The following CDC37L1 variants were observed in gnomAD, a reference collection of about 807,000 sequenced individuals.
CDC37L1 encodes the protein hsp90 co-chaperone Cdc37-like 1.
In CDC37L1, 32 loss-of-function variants were observed where a neutral mutation model predicts 45.9. The ratio of observed to expected loss-of-function variants is 0.70; its 90% CI spans 0.53 to 0.94. CDC37L1 has a LOEUF of 0.94. Among genes scored for constraint, CDC37L1 ranks in the 40% least tolerant of loss-of-function variants. CDC37L1 has a pLI of 0.00. For missense variants in CDC37L1, 434 were observed against 405.7 expected (o/e 1.07, Z -0.60); for synonymous variants, 150 against 133.0 (o/e 1.13, Z -0.88).
intron 1 of CDC37L1, among the ~76,000 whole-genome samples, chr9:4,680,916 A>G (rs974008359): frequency 2.6e-5 from 4 of 152,222 alleles, no homozygotes; most frequent in African/African-American, 9.6e-5. Context: ...TGTCCAGCTA[A>G]CAGGGTTAGT....
At chr9:4,695,222 T>C (rs186287929) in intron 3 of CDC37L1, among the ~76,000 whole-genome samples, 65 of 152,158 alleles carry the variant, frequency 4.3e-4, no homozygotes, top group African/African-American at 1.5e-3. Flanking sequence ...TCTTGCTCTG[T>C]CACCCAGGCT....
chr9:4,699,048 A>G (rs1206935655), intron 5 of CDC37L1, among the ~76,000 whole-genome samples: 1 of 152,228 alleles, frequency 6.6e-6, no homozygotes, highest in Non-Finnish European at 1.5e-5. Flanking sequence ...AACAGTAAAT[A>G]CTGACAGATA....
At position 4,688,049 on chromosome 9, in the gene CDC37L1, G is replaced by A. The variant is rs1841266597; in HGVS notation, c.415-464G>A. 1.3e-5 allele frequency among the ~76,000 whole-genome samples: 2 copies of A among 152,186 alleles called. 1 individual carries two copies. The highest frequency in any genetic ancestry group is 4.8e-5 in the African/African-American group (2 of 41,450). On this transcript the variant is annotated intron_variant, in intron 2 of 6. Coordinates refer to ENST00000381854, the MANE Select transcript of CDC37L1 (RefSeq NM_017913.4). Reference sequence around the variant, plus strand: ...GTCTTGTTCTGTCGCCTGGGCTGGAGTGCAGTGGCATGATCTCAGCTCACT... The same window carrying A: ...GTCTTGTTCTGTCGCCTGGGCTGGAATGCAGTGGCATGATCTCAGCTCACT...
At chr9:4,697,246 T>G (rs1356838312) in intron 4 of CDC37L1, 35 bp downstream of exon 4, 4 of 919,264 alleles carry the variant, frequency 4.4e-6, no homozygotes, top group Non-Finnish European at 7.2e-6. Context: ...TCTGGGAACC[T>G]TAGTGGAAAT....
At chr9:4,689,878 G>A (rs1017334802) in intron 3 of CDC37L1, among the ~76,000 whole-genome samples, 1 of 152,204 alleles carries the variant, frequency 6.6e-6, no homozygotes, top group African/African-American at 2.4e-5. Context: ...TGCTCTTTCA[G>A]AGCATGTACT....
chr9:4,696,314 A>C (rs906528124), intron 3 of CDC37L1, among the ~76,000 whole-genome samples: 3 of 152,146 alleles, frequency 2.0e-5, no homozygotes, highest in African/African-American at 7.2e-5. Context: ...TCTTTGCATG[A>C]GTCTAAGGAA....
At chr9:4,682,510 G>A (rs1006259883) in intron 1 of CDC37L1, among the ~76,000 whole-genome samples, 9 of 151,540 alleles carry the variant, frequency 5.9e-5, no homozygotes, top group Admixed American at 5.9e-4. Flanking sequence ...TGTATTTTTA[G>A]TAGAGATGAG....
At chr9:4,696,003 C>G (rs1353737041) in intron 3 of CDC37L1, among the ~76,000 whole-genome samples, 1 of 152,180 alleles carries the variant, frequency 6.6e-6, no homozygotes, top group African/African-American at 2.4e-5. Flanking sequence ...CCAGGCTGGT[C>G]TCGAACTCCT....
intron 5 of CDC37L1, among the ~76,000 whole-genome samples, chr9:4,701,605 G>A (rs1841396572): frequency 6.6e-6 from 1 of 152,184 alleles, no homozygotes; most frequent in South Asian, 2.1e-4. Flanking sequence ...TTTTAGTTGT[G>A]TGCATATGCA....
chr9:4,705,219 G>C (rs1039977648), intron 6 of CDC37L1, among the ~76,000 whole-genome samples: 12 of 152,308 alleles, frequency 7.9e-5, no homozygotes, highest in African/African-American at 2.9e-4. Context: ...AGTAATACAA[G>C]TGGTAAAAGT....
At chr9:4,694,885 A>G (rs1383748557) in intron 3 of CDC37L1, among the ~76,000 whole-genome samples, 1 of 152,048 alleles carries the variant, frequency 6.6e-6, no homozygotes, top group Non-Finnish European at 1.5e-5. Flanking sequence ...AAAGAAAAAA[A>G]AAATTAACAT....
intron 3 of CDC37L1, among the ~76,000 whole-genome samples, chr9:4,696,361 T>A (rs1318683851): frequency 6.6e-6 from 1 of 152,136 alleles, no homozygotes; most frequent in African/African-American, 2.4e-5. Flanking sequence ...TTTATTCAGT[T>A]AGCCAGGCAC....
At chr9:4,690,220 A>G (rs550708670) in intron 3 of CDC37L1, among the ~76,000 whole-genome samples, 116 of 152,302 alleles carry the variant, frequency 7.6e-4, no homozygotes, top group African/African-American at 2.7e-3. Context: ...ATAGTGTGGT[A>G]TGGTGAATAA....
chr9:4,688,768 T>C (rs1841274310), intron 3 of CDC37L1, among the ~76,000 whole-genome samples, 162 bp downstream of exon 3: 1 of 152,038 alleles, frequency 6.6e-6, no homozygotes, highest in Non-Finnish European at 1.5e-5. Context: ...TTTTTTTTTT[T>C]TTTGGTTATA....
Position 4,679,577 on chromosome 9 carries a change from G to C in CDC37L1, c.-191G>C, listed in dbSNP as rs1841164518. 4 of 515,168 alleles carry C rather than the reference G, an allele frequency of 7.8e-6. No homozygotes were observed. In the East Asian group the frequency reaches 1.0e-4, roughly 13 times the overall value. 31.9% of individuals were successfully genotyped at this position (515,168 alleles called of 1,614,324 possible). ...CACCGCGCCGACTATTTCTTCCGCCGTCCGCCGGTGGCGAGGCCCAGGCTG... is the reference window on the plus strand; with the variant it reads ...CACCGCGCCGACTATTTCTTCCGCCCTCCGCCGGTGGCGAGGCCCAGGCTG... On this transcript the variant is annotated 5_prime_UTR_variant, in exon 1 of 7. Transcript: ENST00000381854.
chr9:4,706,035 A>G lies in CDC37L1; in HGVS notation c.937A>G (p.Ile313Val), dbSNP rs772509355. 1.6e-5 allele frequency: 26 copies of G among 1,590,638 alleles called. No homozygotes were observed. Among genetic ancestry groups the G allele is most frequent in the South Asian group, 3.3e-5 (3 of 90,402 alleles). ...GAATCCAGATTATCTTCAGTATTCT[A>G]TCAGTACAGCTCTCTGCAGCTTAAA... ...PQNPDYLQYS[I>V]STALCSLNSV... Residue 313 changes from isoleucine to valine, a missense_variant, in exon 7 of 7, where the codon ATC becomes GTC. Ile to Val is a conservative substitution (Grantham distance 29, BLOSUM62 3). Coordinates refer to ENST00000381854, the MANE Select transcript of CDC37L1 (RefSeq NM_017913.4).
intron 2 of CDC37L1, among the ~76,000 whole-genome samples, chr9:4,687,594 A>ACTTGACCCCC (rs1841259016): frequency 6.9e-6 from 1 of 145,686 alleles, no homozygotes; most frequent in Non-Finnish European, 1.5e-5. Flanking sequence ...TGGGAGGATC[A>ACTTGACCCCC]CTTGACCCCA....
rs1841445191 is a variant in CDC37L1 at position 4,706,651 on chromosome 9, T to C, written c.*539T>C. The stretch of plus-strand genomic sequence containing the variant: ...GGGTACAATTTTTAAAAGTCTTAAC[T>C]CTTAAATACTTGACTTTCGGCACCA... On this transcript the variant is annotated 3_prime_UTR_variant, in exon 7 of 7. Coordinates refer to ENST00000381854, the MANE Select transcript of CDC37L1 (RefSeq NM_017913.4). 1 of 152,688 alleles carries C rather than the reference T, an allele frequency of 6.5e-6. No homozygotes were observed. Among genetic ancestry groups the C allele is most frequent in the African/African-American group, 2.4e-5 (1 of 41,472 alleles). The allele number at this position is 152,688 out of a possible 1,614,324, so 9.5% of individuals were successfully genotyped here.
chr9:4,691,167 G>T (rs1278616556), intron 3 of CDC37L1, among the ~76,000 whole-genome samples: 2 of 151,996 alleles, frequency 1.3e-5, no homozygotes, highest in Admixed American at 6.6e-5. Flanking sequence ...TTGTTTTTTT[G>T]TTGTTGTTTA....
Sources: allele counts gnomAD v4.1 joint callset (sites outside exome capture counted in the v4.1 genomes callset), GRCh38; gene constraint gnomAD v4.1.1; transcripts MANE v1.5; gene names NCBI Gene and HGNC (gene_info 2026-07-23, HGNC 2026-07-21).